The following COBLL1 variants were observed in gnomAD, a reference collection of about 807,000 sequenced individuals.
COBLL1 encodes the protein cordon-bleu protein-like 1.
In COBLL1, 50 loss-of-function variants were observed where a neutral mutation model predicts 94.8. The ratio of observed to expected loss-of-function variants is 0.53; its 90% CI spans 0.42 to 0.67. COBLL1 has a LOEUF of 0.67. COBLL1 is among the 30% of genes least tolerant of loss of function. The pLI is 0.00. For synonymous variants in COBLL1, 448 were observed against 473.8 expected, an observed-to-expected ratio of 0.95 and a Z score of 0.71; for missense variants, 1,362 against 1,348.7, an observed-to-expected ratio of 1.01 and a Z score of -0.15.
intron 2 of COBLL1, among the ~76,000 whole-genome samples, chr2:164,749,229 T>C (rs1293762957): frequency 1.3e-5 from 2 of 152,192 alleles, no homozygotes; most frequent in Non-Finnish European, 2.9e-5. Flanking sequence ...TGGGCTCTCA[T>C]CAGTTTGCTG....
Position 164,725,135 on chromosome 2 carries a change from A to ATATATATATATATATAT in COBLL1, c.662-2614_662-2613insATATATATATATATATA, listed in dbSNP as rs1558956204. ...ATATATATATATATATATATATATA[A>ATATATATATATATATAT]AATGAAAGCAGTGGTATTACTCCAT... is the stretch of plus-strand genomic sequence containing the variant. On this transcript the variant is annotated intron_variant, in intron 5 of 13. Transcript: ENST00000652658. The ATATATATATATATATAT allele has an allele frequency of 1.6e-3, 93 of 57,158 alleles. 3 individuals carry two copies. Among genetic ancestry groups the ATATATATATATATATAT allele is most frequent in the African/African-American group, 5.8e-3 (74 of 12,812 alleles). 3.5% of individuals were successfully genotyped at this position (57,158 alleles called of 1,614,324 possible). A position where few individuals can be genotyped will look rare whatever the true frequency, so the allele number is the denominator to read the frequency against.
upstream of COBLL1, chr2:164,841,852 G>A: frequency 2.5e-6 from 2 of 811,352 alleles, no homozygotes; most frequent in Middle Eastern, 6.9e-4. The surrounding 1 kb of genome is among the most constrained non-coding windows in gnomAD (Gnocchi z 5.5). Context: ...GCGAGGCTCA[G>A]CCCAGCGCGG....
chr2:164,681,354 TTC>T lies in COBLL1; in HGVS notation c.*4590_*4591del, dbSNP rs1442392916. ...CCATTCAGCTGTTTCAGAGATGTCT[TTC>T]TCACAGCAACATTTCAAATACAGTG... is the stretch of plus-strand genomic sequence containing the variant. On this transcript the variant is annotated 3_prime_UTR_variant, in exon 14 of 14. Transcript: ENST00000652658. 6.6e-6 allele frequency: 1 copy of T among 152,170 alleles called. No individual in the cohort carries two copies. The highest frequency in any genetic ancestry group is 1.5e-5 in the Non-Finnish European group (1 of 68,056). The allele number at this position is 152,170 out of a possible 1,614,324, so 9.4% of individuals were successfully genotyped here.
At chr2:164,662,810 C>T (rs1691093004) in intron 2 of COBLL1, among the ~76,000 whole-genome samples, 2 of 152,170 alleles carry the variant, frequency 1.3e-5, no homozygotes, top group South Asian at 4.1e-4. Flanking sequence ...ACGTGACATG[C>T]CTGCCCCCAT....
At chr2:164,834,184 G>T (rs1698056307) in intron 2 of COBLL1, among the ~76,000 whole-genome samples, 1 of 152,100 alleles carries the variant, frequency 6.6e-6, no homozygotes, top group Non-Finnish European at 1.5e-5. Flanking sequence ...AAAAATACTT[G>T]CTGGAAATTA....
chr2:164,747,184 T>C (rs565358115), intron 2 of COBLL1, among the ~76,000 whole-genome samples: 1 of 151,678 alleles, frequency 6.6e-6, no homozygotes, highest in Non-Finnish European at 1.5e-5. Context: ...ATTACTTGTC[T>C]GGGATTTTTT....
intron 1 of COBLL1, among the ~76,000 whole-genome samples, chr2:164,673,223 T>C (rs1207037263): frequency 6.6e-6 from 1 of 152,154 alleles, no homozygotes; most frequent in East Asian, 1.9e-4. Context: ...AAGCTTAAAA[T>C]ACATAATAAA....
At position 164,695,504 on chromosome 2, in the gene COBLL1, A is replaced by C. The variant is rs766016487; in HGVS notation, c.1888T>G (p.Cys630Gly). ...HNLSDSKVEE[C>G]VQTSNNNIST... ...ATGTTGTTATTTGAAGTTTGCACAC[A>C]TTCTTCAACTTTGGAGTCAGATAAA... The change falls in exon 12 of 14, where the codon TGT (cysteine) becomes GGT (glycine). Residue 630 changes from cysteine (C) to glycine (G), a missense_variant. Coordinates refer to ENST00000652658, the MANE Select transcript of COBLL1 (RefSeq NM_001365672.2). The C allele has an allele frequency of 1.5e-5, 24 of 1,613,850 alleles. No individual in the cohort carries two copies. The highest frequency in any genetic ancestry group is 2.0e-5 in the Non-Finnish European group (24 of 1,179,920).
chr2:164,777,557 T>C (rs1688527537), intron 2 of COBLL1, among the ~76,000 whole-genome samples: 1 of 152,202 alleles, frequency 6.6e-6, no homozygotes, highest in African/African-American at 2.4e-5. Flanking sequence ...TACCTGAATG[T>C]AGATAACAGC....
At chr2:164,820,700 A>C (rs1685122610) in intron 2 of COBLL1, among the ~76,000 whole-genome samples, 1 of 152,180 alleles carries the variant, frequency 6.6e-6, no homozygotes, top group Non-Finnish European at 1.5e-5. Context: ...GGCACACTCT[A>C]GTGGGCTACC....
intron 2 of COBLL1, among the ~76,000 whole-genome samples, chr2:164,661,462 A>G (rs1386326331): frequency 1.3e-5 from 2 of 152,160 alleles, no homozygotes; most frequent in Admixed American, 1.3e-4. Context: ...AATTTATCAT[A>G]GAAAAGTGTT....
At chr2:164,768,399 T>C (rs1167030837) in intron 2 of COBLL1, among the ~76,000 whole-genome samples, 4 of 149,836 alleles carry the variant, frequency 2.7e-5, no homozygotes, top group African/African-American at 1.0e-4. Flanking sequence ...TCGTAAACTT[T>C]CTTAAAACAT....
chr2:164,676,322 C>G (rs1238920370), downstream of COBLL1, among the ~76,000 whole-genome samples: 1 of 152,030 alleles, frequency 6.6e-6, no homozygotes, highest in Non-Finnish European at 1.5e-5. Context: ...TGGATAATAT[C>G]TGTCAGCTAT....
chr2:164,736,565 T>C (rs186865283), intron 3 of COBLL1, among the ~76,000 whole-genome samples: 1 of 152,318 alleles, frequency 6.6e-6, no homozygotes, highest in Non-Finnish European at 1.5e-5. Flanking sequence ...TGGTTGTTTA[T>C]CTTAGGTGTT....
Position 164,683,286 on chromosome 2 carries a change from G to A in COBLL1, c.*2660C>T, listed in dbSNP as rs1244604179. Reference sequence around the variant, plus strand: ...TAGATGCTAAAAATTATACATGAAAGTCAAAAGTTGGTTCTAGACCATTCC... The same window carrying A: ...TAGATGCTAAAAATTATACATGAAAATCAAAAGTTGGTTCTAGACCATTCC... On this transcript the variant is annotated 3_prime_UTR_variant, in exon 14 of 14. Coordinates refer to ENST00000652658, the MANE Select transcript of COBLL1 (RefSeq NM_001365672.2). 4 of 152,006 alleles carry A rather than the reference G, an allele frequency of 2.6e-5. No homozygotes were observed. The highest frequency in any genetic ancestry group is 4.8e-5 in the African/African-American group (2 of 41,406). 9.4% of individuals were successfully genotyped at this position (152,006 alleles called of 1,614,324 possible). A position where few individuals can be genotyped will look rare whatever the true frequency, so the allele number is the denominator to read the frequency against.
Position 164,705,069 on chromosome 2 carries a change from G to C in COBLL1, c.1033C>G (p.Leu345Val). 6.3e-7 allele frequency: 1 copy of C among 1,587,696 alleles called. No homozygotes were observed. The highest frequency in any genetic ancestry group is 8.6e-7 in the Non-Finnish European group (1 of 1,168,120). ...CCTGCAGACATGCTGCTGAGCTGCA[G>C]TGAACCTGCCCTCACTCTTCCTGCT... ...CEAGRVRAGS[L>V]QLSSMSAGNS... Residue 345 changes from leucine (L) to valine (V), a missense_variant, in exon 8 of 14, where the codon CTG becomes GTG. Physicochemically the swap from Leu to Val is conservative, Grantham distance 32. Coordinates refer to ENST00000652658, the MANE Select transcript of COBLL1 (RefSeq NM_001365672.2).
chr2:164,806,130 C>CA (rs1373828985), intron 2 of COBLL1, among the ~76,000 whole-genome samples: 3 of 147,832 alleles, frequency 2.0e-5, no homozygotes, highest in Non-Finnish European at 3.0e-5. Context: ...GTCTTGTTTA[C>CA]AAAAAATAAA....
At chr2:164,755,053 T>C (rs1687328230) in intron 2 of COBLL1, among the ~76,000 whole-genome samples, 1 of 152,136 alleles carries the variant, frequency 6.6e-6, no homozygotes, top group Non-Finnish European at 1.5e-5. Context: ...TAGTCTCAGC[T>C]ACTCGGTAGG....
At chr2:164,706,112 A>T (rs985312241) in intron 7 of COBLL1, among the ~76,000 whole-genome samples, 1 of 152,210 alleles carries the variant, frequency 6.6e-6, no homozygotes, top group African/African-American at 2.4e-5. Context: ...GAATCCTTTC[A>T]ATGATACTTT....
Sources: gnomAD v4.1 joint callset for allele counts (sites outside exome capture counted in the v4.1 genomes callset) on GRCh38, gnomAD v4.1.1 for gene constraint, Gnocchi (gnomAD v3.1) non-coding constraint, MANE v1.5 for transcripts, NCBI Gene and HGNC (gene_info 2026-07-23, HGNC 2026-07-21) for gene names.